The following FBN1 variants were observed in gnomAD, a reference collection of about 807,000 sequenced individuals.
The protein encoded by FBN1 is fibrillin-1.
A neutral mutation model predicts 365.1 loss-of-function variants in FBN1; 29 were observed. That is an observed-to-expected ratio of 0.08 (90% CI 0.06 to 0.11). FBN1 has a LOEUF of 0.11. FBN1 is among the 10% of genes least tolerant of loss of function. The pLI is 1.00. For synonymous variants in FBN1, 1,210 were observed against 1,270.5 expected (o/e 0.95, Z 1.01); for missense variants, 2,476 against 3,703.2 (o/e 0.67, Z 8.60).
Position 48,495,229 on chromosome 15 carries a change from G to A in FBN1, c.2571C>T (p.Val857=), listed in dbSNP as rs536432206. 1.2e-6 allele frequency: 2 copies of A among 1,614,154 alleles called. No individual in the cohort carries two copies. The highest frequency in any genetic ancestry group is 2.7e-5 in the African/African-American group (2 of 75,038). ...TGTTGATCTCACATCGCCCATCAATGACAGTCTGCCAGCAAGTGCCCTTGA... is the reference window on the plus strand; with the variant it reads ...TGTTGATCTCACATCGCCCATCAATAACAGTCTGCCAGCAAGTGCCCTTGA... The part of the protein sequence containing the change: ...ETIKGTCWQT[V]IDGRCEININ... The change falls in exon 22 of 66, where the codon GTC becomes GTT. Residue 857 remains valine (V), a synonymous_variant. Transcript: ENST00000316623.
intron 4 of FBN1, among the ~76,000 whole-genome samples, 158 bp from the exon 5 acceptor site, chr15:48,600,392 A>G (rs569075247): frequency 1.3e-5 from 2 of 152,310 alleles, no homozygotes; most frequent in Admixed American, 1.3e-4. Context: ...AATGCTAAAC[A>G]TATTATTTGT....
intron 14 of FBN1, among the ~76,000 whole-genome samples, 172 bp from the exon 15 acceptor site, chr15:48,508,876 T>C (rs2043735387): frequency 6.6e-6 from 1 of 152,220 alleles, no homozygotes; most frequent in Non-Finnish European, 1.5e-5. Context: ...ATGGGACATA[T>C]GAAATACATA....
intron 18 of FBN1, among the ~76,000 whole-genome samples, chr15:48,498,433 A>G (rs1342483749): frequency 6.6e-6 from 1 of 152,038 alleles, no homozygotes; most frequent in Non-Finnish European, 1.5e-5. Context: ...CTTGTCACCT[A>G]TTGTCATACT....
At chr15:48,432,394 T>C (rs1004537797) in intron 55 of FBN1, among the ~76,000 whole-genome samples, 3 of 152,168 alleles carry the variant, frequency 2.0e-5, no homozygotes, top group Non-Finnish European at 2.9e-5. Context: ...TCAGGAGGTA[T>C]TTTTAATGGA....
Position 48,452,565 on chromosome 15 carries a change from T to C in FBN1, c.5542A>G (p.Asn1848Asp). The change falls in exon 45 of 66, where the codon AAT becomes GAT. Residue 1848 changes from asparagine to aspartate, a missense_variant. Coordinates refer to ENST00000316623, the MANE Select transcript of FBN1 (RefSeq NM_000138.5). ...GYRFTSTGQC[N>D]DRNECQEIPN... is the part of the protein sequence containing the mutation. ...CAGCCTGTGGGGCACTACATACCAT[T>C]GCACTGTCCTGTGGAGGTGAAGCGG... is the stretch of plus-strand genomic sequence containing the variant. 2.5e-6 allele frequency: 4 copies of C among 1,614,162 alleles called. No homozygotes were observed. Among genetic ancestry groups the C allele is most frequent in the Non-Finnish European group, 3.4e-6 (4 of 1,180,004 alleles).
Position 48,425,833 on chromosome 15 carries a change from A to G in FBN1, c.7236T>C (p.Val2412=), listed in dbSNP as rs1306021418. 1 of 1,612,170 alleles carries G rather than the reference A, an allele frequency of 6.2e-7. No individual in the cohort carries two copies. Among genetic ancestry groups the G allele is most frequent in the Admixed American group, 1.7e-5 (1 of 60,024 alleles). Residue 2412 remains valine (V), a synonymous_variant, in exon 59 of 66, where the codon GTT becomes GTC. Transcript: ENST00000316623. The part of the protein sequence containing the change: ...DIDECKVIHD[V]CRNGECVNDR... ...CATTGACACATTCCCCATTTCGGCAAACATCGTGAATAACCTTGCATTCAT... is the reference window on the plus strand; with the variant it reads ...CATTGACACATTCCCCATTTCGGCAGACATCGTGAATAACCTTGCATTCAT...
At chr15:48,565,026 G>A (rs954213055) in intron 6 of FBN1, among the ~76,000 whole-genome samples, 12 of 152,148 alleles carry the variant, frequency 7.9e-5, no homozygotes, top group Non-Finnish European at 1.6e-4. Flanking sequence ...AATTCCAGGC[G>A]AGAAGCATAA....
chr15:48,571,692 G>C (rs2044306609), intron 6 of FBN1, among the ~76,000 whole-genome samples: 1 of 152,084 alleles, frequency 6.6e-6, no homozygotes, highest in Non-Finnish European at 1.5e-5. Context: ...TAGACATGCA[G>C]GTGCACACGT....
At chr15:48,635,299 C>CA (rs968949596) in intron 2 of FBN1, among the ~76,000 whole-genome samples, 2 of 151,260 alleles carry the variant, frequency 1.3e-5, no homozygotes, top group African/African-American at 4.9e-5. Flanking sequence ...TAACTTCAAC[C>CA]AAAAAAAAGT....
chr15:48,430,806 T>TA lies in FBN1; in HGVS notation c.6740-5dup. 1 of 1,613,372 alleles carries TA rather than the reference T, an allele frequency of 6.2e-7. No homozygotes were observed. Among genetic ancestry groups the TA allele is most frequent in the Admixed American group, 1.7e-5 (1 of 60,000 alleles). The stretch of plus-strand genomic sequence containing the variant: ...CCCTCTTCACACTCATCCTCATCTG[T>TA]AAAAAATGTACAATCACAAATTTGT... On this transcript the variant is annotated splice_polypyrimidine_tract_variant and splice_region_variant and intron_variant, in intron 55 of 65. Coordinates refer to ENST00000316623, the MANE Select transcript of FBN1 (RefSeq NM_000138.5).
At chr15:48,537,104 A>G (rs557581759) in intron 7 of FBN1, among the ~76,000 whole-genome samples, 6 of 152,346 alleles carry the variant, frequency 3.9e-5, no homozygotes, top group East Asian at 1.9e-4. Flanking sequence ...ATCTGGGGAT[A>G]TTTAAAACTG....
chr15:48,632,257 A>G (rs1890001537), intron 2 of FBN1, among the ~76,000 whole-genome samples: 1 of 152,216 alleles, frequency 6.6e-6, no homozygotes, highest in African/African-American at 2.4e-5. Context: ...CTATGATGAG[A>G]AAGTGGAGAC....
intron 2 of FBN1, among the ~76,000 whole-genome samples, chr15:48,638,099 A>G (rs1343784590): frequency 1.3e-5 from 2 of 150,608 alleles, no homozygotes; most frequent in African/African-American, 4.9e-5. Flanking sequence ...CAGTGGCATG[A>G]TCATAGCTCA....
At chr15:48,626,256 CAAAAA>C (rs35055998) in intron 2 of FBN1, among the ~76,000 whole-genome samples, 1 of 88,958 alleles carries the variant, frequency 1.1e-5, no homozygotes, top group African/African-American at 4.3e-5. Flanking sequence ...GACCCTGTCT[CAAAAA>C]AAAAAAAAAA....
chr15:48,637,406 C>T (rs1274084669), intron 2 of FBN1, among the ~76,000 whole-genome samples: 1 of 152,162 alleles, frequency 6.6e-6, no homozygotes, highest in East Asian at 1.9e-4. Context: ...ACATTGCCAC[C>T]TATGTACGGG....
chr15:48,579,579 A>T (rs745526836), intron 6 of FBN1, among the ~76,000 whole-genome samples: 4 of 152,230 alleles, frequency 2.6e-5, no homozygotes, highest in Non-Finnish European at 5.9e-5. Flanking sequence ...TCTCTGAAGA[A>T]TAATGAGGAG....
rs1435093814 is a variant in FBN1, at chr15:48,409,527, T to C, written c.*1463A>G. On this transcript the variant is annotated 3_prime_UTR_variant, in exon 66 of 66. Transcript: ENST00000316623. ...CGACGGATTGAGCCTAACAGCTAAA[T>C]ACTCAATATTGCACTTAAAATAAAA... 6.6e-6 allele frequency: 1 copy of C among 152,204 alleles called. No homozygotes were observed. Among genetic ancestry groups the C allele is most frequent in the Admixed American group, 6.5e-5 (1 of 15,280 alleles). 9.4% of individuals were successfully genotyped at this position (152,204 alleles called of 1,614,324 possible). A position where few individuals can be genotyped will look rare whatever the true frequency, so the allele number is the denominator to read the frequency against.
chr15:48,573,938 C>T (rs758985604), intron 6 of FBN1, among the ~76,000 whole-genome samples: 1 of 152,226 alleles, frequency 6.6e-6, no homozygotes, highest in Non-Finnish European at 1.5e-5. Context: ...CCAGATTAAA[C>T]CCAGCCTTGG....
At chr15:48,446,459 G>T (rs1189151216) in intron 47 of FBN1, among the ~76,000 whole-genome samples, 2 of 152,092 alleles carry the variant, frequency 1.3e-5, no homozygotes, top group South Asian at 2.1e-4. Flanking sequence ...TATATAGAGG[G>T]TTCAGTACTA....
Sources: allele counts gnomAD v4.1 joint callset (sites outside exome capture counted in the v4.1 genomes callset), GRCh38; gene constraint gnomAD v4.1.1; transcripts MANE v1.5; gene names NCBI Gene and HGNC (gene_info 2026-07-23, HGNC 2026-07-21).